The following DYSF variants were observed in gnomAD, a reference collection of about 807,000 sequenced individuals.
The protein encoded by DYSF is dystrophy-associated fer-1-like 1.
Under a neutral mutation model 274.9 loss-of-function variants are expected in DYSF, and 212 were observed. The observed-to-expected ratio is 0.77, with a 90% CI of 0.69 to 0.86. The LOEUF (loss-of-function observed/expected upper bound fraction) is 0.86. Among genes scored for constraint, DYSF ranks in the 40% least tolerant of loss-of-function variants. The pLI is 0.00. For synonymous variants in DYSF, 1,091 were observed against 1,078.7 expected, an observed-to-expected ratio of 1.01 and a Z score of -0.22; for missense variants, 2,666 against 2,783.2, an observed-to-expected ratio of 0.96 and a Z score of 0.95.
At chr2:71,566,198 G>A (rs951080263) in intron 24 of DYSF, among the ~76,000 whole-genome samples, 7 of 151,536 alleles carry the variant, frequency 4.6e-5, no homozygotes, top group Non-Finnish European at 7.4e-5. Flanking sequence ...GGGGCTGACC[G>A]GGGAAGGCGG....
intron 3 of DYSF, among the ~76,000 whole-genome samples, chr2:71,487,959 T>C (rs2152691794): frequency 6.6e-6 from 1 of 152,330 alleles, no homozygotes; most frequent in South Asian, 2.1e-4. Context: ...CTGCACATGG[T>C]AAAATTGTTA....
Position 71,660,598 on chromosome 2 carries a change from A to G in DYSF, c.4950A>G (p.Ser1650=). 2 of 1,614,172 alleles carry G rather than the reference A, an allele frequency of 1.2e-6. No homozygotes were observed. Among genetic ancestry groups the G allele is most frequent in the Non-Finnish European group, 1.7e-6 (2 of 1,179,990 alleles). ...PYIKISIGKK[S]VSDQDNYIPC... is the part of the protein sequence containing the mutation. ...TCAAGATCTCCATAGGGAAGAAATC[A>G]GTGAGTGACCAGGATAACTACATCC... Residue 1650 remains serine (S), a synonymous_variant, in exon 45 of 56, where the codon TCA becomes TCG. Transcript: ENST00000410020.
intron 41 of DYSF, 46 bp downstream of exon 41, chr2:71,620,655 G>A (rs1007308278): frequency 6.5e-7 from 1 of 1,538,884 alleles, no homozygotes; most frequent in African/African-American, 1.4e-5. Flanking sequence ...TTCCCTTGTG[G>A]GGCTGGGGGT....
chr2:71,650,915 A>G (rs2094646309), intron 42 of DYSF, among the ~76,000 whole-genome samples: 3 of 152,178 alleles, frequency 2.0e-5, no homozygotes, highest in South Asian at 4.1e-4. Flanking sequence ...AATTATGTTA[A>G]TTACAAAAAA....
intron 41 of DYSF, among the ~76,000 whole-genome samples, chr2:71,634,498 G>A (rs1413684375): frequency 1.3e-5 from 2 of 152,196 alleles, no homozygotes; most frequent in African/African-American, 4.8e-5. Flanking sequence ...GGGAAGAGAA[G>A]GGAGAAGTGG....
chr2:71,584,675 T>C (rs1451437194), intron 30 of DYSF, among the ~76,000 whole-genome samples: 1 of 152,120 alleles, frequency 6.6e-6, no homozygotes, highest in Non-Finnish European at 1.5e-5. Context: ...TGCTCGATGT[T>C]GGACTGGGTG....
At chr2:71,587,903 C>T (rs2093126024) in intron 30 of DYSF, among the ~76,000 whole-genome samples, 1 of 152,196 alleles carries the variant, frequency 6.6e-6, no homozygotes, top group Non-Finnish European at 1.5e-5. Context: ...AATAGAGGGA[C>T]TCAGCCTTTC....
At chr2:71,557,524 G>A (rs2091421544) in intron 22 of DYSF, among the ~76,000 whole-genome samples, 1 of 152,162 alleles carries the variant, frequency 6.6e-6, no homozygotes. Flanking sequence ...GCAATGTGAG[G>A]AATGGACTGG....
chr2:71,557,519 G>A (rs1210743072), intron 22 of DYSF, among the ~76,000 whole-genome samples: 1 of 152,172 alleles, frequency 6.6e-6, no homozygotes, highest in African/African-American at 2.4e-5. Flanking sequence ...ATGCTGCAAT[G>A]TGAGGAATGG....
chr2:71,520,896 G>T lies in DYSF; in HGVS notation c.1141G>T (p.Glu381Ter). 1.9e-6 allele frequency: 3 copies of T among 1,614,088 alleles called. No individual in the cohort carries two copies. Among genetic ancestry groups the T allele is most frequent in the South Asian group, 1.1e-5 (1 of 91,074 alleles). Residue 381 changes from glutamate (E) to a stop codon, truncating the protein, a stop_gained, in exon 12 of 56, where the codon GAA becomes TAA. Transcript: ENST00000410020. LOFTEE classifies it high-confidence loss of function. Reference sequence around the variant, plus strand: ...CCTTTGTGTGCTGGGGCCTGGGGACGAAGCGCCTGTGAGTACATTTCCCTG... The same window carrying T: ...CCTTTGTGTGCTGGGGCCTGGGGACTAAGCGCCTGTGAGTACATTTCCCTG... Reference protein sequence around the residue: ...TSLCVLGPGDEAPLERKDPSE... With the variant: ...TSLCVLGPGD
At position 71,567,301 on chromosome 2, in the gene DYSF, A is replaced by G. The variant is rs2092164824; in HGVS notation, c.2566-650A>G. ...CTTGAAAGGGTAGGGATATTAGATG[A>G]TACAGTAACCAAAGAAATAAAATAC... On this transcript the variant is annotated intron_variant, in intron 24 of 55. Coordinates refer to ENST00000410020, the MANE Select transcript of DYSF (RefSeq NM_001130987.2). 5.3e-5 allele frequency among the ~76,000 whole-genome samples: 8 copies of G among 152,232 alleles called. 1 individual carries two copies. The South Asian group carries it at 1.7e-3, about 31-fold the overall frequency.
At chr2:71,629,629 G>T (rs1245417497) in intron 41 of DYSF, among the ~76,000 whole-genome samples, 1 of 152,210 alleles carries the variant, frequency 6.6e-6, no homozygotes, top group Non-Finnish European at 1.5e-5. Context: ...AATGTTCAGT[G>T]TGTGGCTTTT....
chr2:71,464,713 CTGAG>C (rs1246737495), upstream of DYSF, among the ~76,000 whole-genome samples: 7 of 152,068 alleles, frequency 4.6e-5, no homozygotes, highest in Admixed American at 4.6e-4. Flanking sequence ...GAGTTTTGCA[CTGAG>C]TGAGATGGGA....
At chr2:71,593,125 CTTTTTTTTTTTT>C (rs35900869) in intron 32 of DYSF, among the ~76,000 whole-genome samples, 1 of 85,564 alleles carries the variant, frequency 1.2e-5, no homozygotes, top group Non-Finnish European at 2.2e-5. Flanking sequence ...TCAGTGACTT[CTTTTTTTTTTTT>C]TTTTTTTTTT....
chr2:71,568,361 TG>T, intron 26 of DYSF, 23 bp downstream of exon 26: 1 of 1,612,724 alleles, frequency 6.2e-7, no homozygotes, highest in South Asian at 1.1e-5. Context: ...CAGGGAGGGC[TG>T]GGGAGAGCCA....
intron 45 of DYSF, among the ~76,000 whole-genome samples, 159 bp from the exon 46 acceptor site, chr2:71,664,109 A>G (rs1316243573): frequency 3.3e-5 from 5 of 152,198 alleles, no homozygotes; most frequent in African/African-American, 7.2e-5. Flanking sequence ...ACACACACTC[A>G]GGCCCAGTAC....
intron 14 of DYSF, among the ~76,000 whole-genome samples, chr2:71,532,157 G>A (rs2088799838): frequency 6.6e-6 from 1 of 152,140 alleles, no homozygotes; most frequent in African/African-American, 2.4e-5. Flanking sequence ...TATTCTGTCA[G>A]ATGAGTATAC....
chr2:71,467,795 G>A lies in DYSF; in HGVS notation c.91+862G>A, dbSNP rs552664450. 2.6e-5 allele frequency among the ~76,000 whole-genome samples: 4 copies of A among 152,280 alleles called. No individual in the cohort carries two copies. In the South Asian group the frequency reaches 8.3e-4, roughly 32 times the overall value. On this transcript the variant is annotated intron_variant, in intron 1 of 55. Transcript: ENST00000410020. Reference sequence around the variant, plus strand: ...GCCAGGAGCCATACCCTGTAGCTTTGTGGAATCGATAATAATAATAATAAA... The same window carrying A: ...GCCAGGAGCCATACCCTGTAGCTTTATGGAATCGATAATAATAATAATAAA...
intron 3 of DYSF, among the ~76,000 whole-genome samples, chr2:71,488,812 G>A (rs951802068): frequency 1.3e-5 from 2 of 152,088 alleles, no homozygotes; most frequent in Admixed American, 6.5e-5. Flanking sequence ...CTGTAAAGTG[G>A]GCACTGAGGG....
Sources: allele counts gnomAD v4.1 joint callset (sites outside exome capture counted in the v4.1 genomes callset), GRCh38; gene constraint gnomAD v4.1.1; transcripts MANE v1.5; gene names NCBI Gene and HGNC (gene_info 2026-07-23, HGNC 2026-07-21).